The following PDE4D variants were observed in gnomAD, a reference collection of about 807,000 sequenced individuals.
PDE4D encodes 3',5'-cyclic-AMP phosphodiesterase 4D.
In PDE4D, 24 loss-of-function variants were observed where a neutral mutation model predicts 87.4. The observed-to-expected ratio is 0.27, with a 90% CI of 0.20 to 0.39. The LOEUF (loss-of-function observed/expected upper bound fraction) is 0.39, where lower values mean the gene tolerates loss of function less well. Ranked by LOEUF, PDE4D falls within the 10% of genes least tolerant of loss-of-function variation. The pLI is 1.00. For synonymous variants in PDE4D, 384 were observed against 383.2 expected (o/e 1.00, Z -0.02); for missense variants, 714 against 1,041.0 (o/e 0.69, Z 4.32).
rs1273572523 is a variant in PDE4D, at chr5:59,175,474, T to TC, written c.808+5120_808+5121insG. Among the ~76,000 whole-genome samples, 5 of 13,514 alleles carry TC rather than the reference T, an allele frequency of 3.7e-4. 1 individual carries two copies. Among genetic ancestry groups the TC allele is most frequent in the African/African-American group, 1.1e-3 (2 of 1,796 alleles). The allele number at this position is 13,514 out of a possible 152,430, so 8.9% of individuals were successfully genotyped here. A position where few individuals can be genotyped will look rare whatever the true frequency, so the allele number is the denominator to read the frequency against. ...GGAACTCTATCCATTTTTCTTTCTT[T>TC]TTTTTTTTTTTTTTTTTTTTTTTTT... is the stretch of plus-strand genomic sequence containing the variant. On this transcript the variant is annotated intron_variant, in intron 5 of 14. Transcript: ENST00000340635.
At chr5:59,390,854 T>TA (rs565398191) in intron 1 of PDE4D, among the ~76,000 whole-genome samples, 1 of 152,082 alleles carries the variant, frequency 6.6e-6, no homozygotes, top group East Asian at 1.9e-4. Flanking sequence ...CAGAGGGTGG[T>TA]AAAAGTCACT....
At chr5:60,052,229 CACA>C (rs142181694) in intron 2 of PDE4D, among the ~76,000 whole-genome samples, 30,825 of 151,896 alleles carry the variant, frequency 0.2, 3,510 homozygotes, top group African/African-American at 0.33. Context: ...CTGGCAGAGA[CACA>C]ACAACGAAAA....
chr5:59,209,228 C>G (rs1749524781), intron 2 of PDE4D, among the ~76,000 whole-genome samples: 1 of 152,016 alleles, frequency 6.6e-6, no homozygotes, highest in Admixed American at 6.6e-5. Flanking sequence ...CTCTGTCATC[C>G]AGGCTGGAGT....
Position 59,488,467 on chromosome 5 carries a change from T to G in PDE4D, c.456-272499A>C, listed in dbSNP as rs374834833. On this transcript the variant is annotated intron_variant, in intron 1 of 14. Coordinates refer to ENST00000340635, the MANE Select transcript of PDE4D (RefSeq NM_001104631.2). The stretch of plus-strand genomic sequence containing the variant: ...AAATACGCATTTGAAATACCATTAA[T>G]AGGGACACTTCTCTTTTTCTCTTTG... 3.7e-4 allele frequency among the ~76,000 whole-genome samples: 57 copies of G among 152,332 alleles called. 2 individuals carry two copies. The East Asian group carries it at 9.8e-3, about 26-fold the overall frequency.
At chr5:60,518,805 T>C (rs1189356607) in intron 1 of PDE4D, among the ~76,000 whole-genome samples, 1 of 152,222 alleles carries the variant, frequency 6.6e-6, no homozygotes, top group Non-Finnish European at 1.5e-5. Flanking sequence ...CAAGAAACTA[T>C]CATCAGATGA....
chr5:59,931,303 T>C (rs1414290792), intron 3 of PDE4D, among the ~76,000 whole-genome samples: 1 of 152,228 alleles, frequency 6.6e-6, no homozygotes, highest in Non-Finnish European at 1.5e-5. Context: ...TTATTTGTTA[T>C]ATAAAAGAGT....
chr5:59,056,757 C>T (rs982502813), intron 5 of PDE4D, among the ~76,000 whole-genome samples: 2 of 152,086 alleles, frequency 1.3e-5, no homozygotes, highest in African/African-American at 2.4e-5. Flanking sequence ...GCTTCATTCA[C>T]GTCCCTGCAA....
chr5:59,511,480 C>A (rs1464004064), intron 1 of PDE4D, among the ~76,000 whole-genome samples: 1 of 151,838 alleles, frequency 6.6e-6, no homozygotes, highest in Non-Finnish European at 1.5e-5. Context: ...TTTTCAAAGT[C>A]TTTTTCTATA....
At chr5:59,891,996 T>C (rs1751024869) in intron 1 of PDE4D, among the ~76,000 whole-genome samples, 1 of 152,144 alleles carries the variant, frequency 6.6e-6, no homozygotes, top group Non-Finnish European at 1.5e-5. Context: ...CCTGTCCACA[T>C]CTAAGGTTAG....
chr5:59,644,302 A>C (rs1362226115), intron 1 of PDE4D, among the ~76,000 whole-genome samples: 1 of 152,192 alleles, frequency 6.6e-6, no homozygotes, highest in African/African-American at 2.4e-5. Flanking sequence ...TGTTGGTCTG[A>C]GTAATGGATT....
At chr5:59,100,057 G>A (rs1291398246) in intron 5 of PDE4D, among the ~76,000 whole-genome samples, 2 of 152,124 alleles carry the variant, frequency 1.3e-5, no homozygotes, top group African/African-American at 4.8e-5. Context: ...ACAATGTCAT[G>A]CTTAGAACAT....
intron 1 of PDE4D, among the ~76,000 whole-genome samples, chr5:59,282,193 A>G (rs1561875374): frequency 6.6e-6 from 1 of 152,172 alleles, no homozygotes; most frequent in African/African-American, 2.4e-5. Flanking sequence ...TCCTAACTCT[A>G]TATACCAATC....
chr5:59,348,827 C>T (rs1780038020), intron 1 of PDE4D, among the ~76,000 whole-genome samples: 3 of 152,058 alleles, frequency 2.0e-5, no homozygotes, highest in African/African-American at 7.2e-5. Context: ...TGCCATGGCT[C>T]ATGCCTGTAA....
In PDE4D at chr5:59,795,953, G is replaced by A. The variant is rs928455286; in HGVS notation, c.455+97215C>T. The stretch of plus-strand genomic sequence containing the variant: ...GCACTATGAAGAAACAAAGAGAGAA[G>A]ACGGCTATCCAAGGAGAGAGGCCTG... On this transcript the variant is annotated intron_variant, in intron 1 of 14. Coordinates refer to ENST00000340635, the MANE Select transcript of PDE4D (RefSeq NM_001104631.2). 1.6e-4 allele frequency among the ~76,000 whole-genome samples: 25 copies of A among 152,198 alleles called. 1 individual carries two copies. The highest frequency in any genetic ancestry group is 1.6e-3 in the Admixed American group (24 of 15,280).
At chr5:59,799,528 T>G (rs1362389112) in intron 1 of PDE4D, among the ~76,000 whole-genome samples, 1 of 152,204 alleles carries the variant, frequency 6.6e-6, no homozygotes, top group Admixed American at 6.5e-5. Context: ...TTTATGGTTT[T>G]GGAAGAATCA....
intron 2 of PDE4D, among the ~76,000 whole-genome samples, chr5:60,137,430 A>G (rs1198053404): frequency 6.6e-6 from 1 of 152,126 alleles, no homozygotes; most frequent in Non-Finnish European, 1.5e-5. Flanking sequence ...GAGTAAAAGC[A>G]TTCGTTTTTC....
chr5:60,023,384 AC>A (rs1330036763), intron 2 of PDE4D, among the ~76,000 whole-genome samples: 2 of 152,102 alleles, frequency 1.3e-5, no homozygotes, highest in Non-Finnish European at 2.9e-5. Context: ...CTACCATTGA[AC>A]TTGCTCATAG....
intron 5 of PDE4D, among the ~76,000 whole-genome samples, chr5:59,102,470 G>A (rs1462798327): frequency 1.3e-5 from 2 of 152,046 alleles, no homozygotes; most frequent in Admixed American, 1.3e-4. Flanking sequence ...TAATCAAATA[G>A]TTTTAATAAA....
At chr5:59,273,172 C>G (rs1286071259) in intron 1 of PDE4D, among the ~76,000 whole-genome samples, 1 of 152,046 alleles carries the variant, frequency 6.6e-6, no homozygotes, top group Non-Finnish European at 1.5e-5. Flanking sequence ...GGGAAGTCAA[C>G]TGAAAAGGAA....
Sources: gnomAD v4.1 joint callset for allele counts (sites outside exome capture counted in the v4.1 genomes callset) on GRCh38, gnomAD v4.1.1 for gene constraint, MANE v1.5 for transcripts, NCBI Gene and HGNC (gene_info 2026-07-23, HGNC 2026-07-21) for gene names.